PRIM1: variants seen among roughly 807,000 people sequenced by gnomAD.
PRIM1 encodes DNA primase subunit 1, also known as DNA primase small subunit.
A neutral mutation model predicts 60.2 loss-of-function variants in PRIM1; 38 were observed. That is an observed-to-expected ratio of 0.63 (90% CI 0.49 to 0.83). The LOEUF (loss-of-function observed/expected upper bound fraction) is 0.83. Among genes scored for constraint, PRIM1 ranks in the 40% least tolerant of loss-of-function variants. The pLI is 0.00. For missense variants in PRIM1, 388 were observed against 506.2 expected (o/e 0.77, Z 2.24); for synonymous variants, 158 against 160.2 (o/e 0.99, Z 0.10).
At chr12:56,746,659 CACACACACACACACACAA>C (rs1295086275) in intron 4 of PRIM1, 104 bp downstream of exon 4, 256 of 797,306 alleles carry the variant, frequency 3.2e-4, no homozygotes, top group South Asian at 9.5e-4. Flanking sequence ...CACACACACA[CACACACACACACACACAA>C]ATTAATGAGA....
At chr12:56,733,866 C>T (rs1055836442) in intron 12 of PRIM1, among the ~76,000 whole-genome samples, 2 of 152,194 alleles carry the variant, frequency 1.3e-5, no homozygotes, top group African/African-American at 4.8e-5. Context: ...GCTGGGATTA[C>T]AGGCGTGAGC....
At chr12:56,741,608 C>T (rs781750340) in intron 8 of PRIM1, 32 bp from the exon 9 acceptor site, 2 of 1,596,674 alleles carry the variant, frequency 1.3e-6, no homozygotes, top group East Asian at 2.2e-5. Context: ...ACATGAGGAT[C>T]AGTAGGAACT....
intron 1 of PRIM1, 79 bp from the exon 2 acceptor site, chr12:56,751,274 GTTT>G: frequency 1.0e-6 from 1 of 998,858 alleles, no homozygotes. Flanking sequence ...CCAATGAGAA[GTTT>G]TTTTTTTCGG....
In PRIM1 at chr12:56,731,691, A is replaced by T; in HGVS notation, c.*24T>A. The T allele has an allele frequency of 6.6e-7, 1 of 1,506,812 alleles. No homozygotes were observed. The highest frequency in any genetic ancestry group is 9.0e-7 in the Non-Finnish European group (1 of 1,110,254). The allele number at this position is 1,506,812 out of a possible 1,614,324, so 93.3% of individuals were successfully genotyped here. A position where few individuals can be genotyped will look rare whatever the true frequency, so the allele number is the denominator to read the frequency against. ...CTGTGGTTGAAGGCAGAAGATATCC[A>T]CAATGGTTTGAGGAGCTCTGTCTTC... On this transcript the variant is annotated 3_prime_UTR_variant, in exon 13 of 13. Coordinates refer to ENST00000338193, the MANE Select transcript of PRIM1 (RefSeq NM_000946.3).
intron 9 of PRIM1, among the ~76,000 whole-genome samples, chr12:56,739,730 G>A (rs941456766): frequency 6.6e-6 from 1 of 152,010 alleles, no homozygotes; most frequent in African/African-American, 2.4e-5. Flanking sequence ...TTGTTGAGTT[G>A]GGGTCTCACT....
chr12:56,746,981 C>A lies in PRIM1; in HGVS notation c.313G>T (p.Glu105Ter), dbSNP rs1953913097. Reference sequence around the variant, plus strand: ...GTCATGTCAATGTCAAATACCAGTTCTTTTTCCTGAGCCTGGAAAGCTCCC... The same window carrying A: ...GTCATGTCAATGTCAAATACCAGTTATTTTTCCTGAGCCTGGAAAGCTCCC... ...KLGAFQAQEK[E>*]LVFDIDMTDY... Residue 105 changes from glutamate to a stop codon, truncating the protein, a stop_gained, in exon 3 of 13, where the codon GAA becomes TAA. Coordinates refer to ENST00000338193, the MANE Select transcript of PRIM1 (RefSeq NM_000946.3). LOFTEE classifies it high-confidence loss of function. 2 of 1,613,844 alleles carry A rather than the reference C, an allele frequency of 1.2e-6. No homozygotes were observed. The highest frequency in any genetic ancestry group is 1.7e-6 in the Non-Finnish European group (2 of 1,179,840).
At chr12:56,739,124 T>C (rs529219348) in intron 10 of PRIM1, among the ~76,000 whole-genome samples, 170 bp downstream of exon 10, 8 of 152,168 alleles carry the variant, frequency 5.3e-5, no homozygotes, top group Non-Finnish European at 8.8e-5. Flanking sequence ...CAGGTGAAAA[T>C]CTTGTATTGT....
At chr12:56,736,806 A>G (rs1953836445) in intron 11 of PRIM1, among the ~76,000 whole-genome samples, 1 of 151,760 alleles carries the variant, frequency 6.6e-6, no homozygotes, top group Non-Finnish European at 1.5e-5. Context: ...GCCCGGCCAC[A>G]TAATTTTCAT....
intron 4 of PRIM1, among the ~76,000 whole-genome samples, 150 bp downstream of exon 4, chr12:56,746,625 GTCACAC>G: frequency 9.4e-6 from 1 of 105,870 alleles, no homozygotes; most frequent in African/African-American, 3.9e-5. Context: ...AGTGAGACTC[GTCACAC>G]ACACACACAC....
At chr12:56,745,439 C>A (rs946031332) in intron 5 of PRIM1, among the ~76,000 whole-genome samples, 44 of 151,402 alleles carry the variant, frequency 2.9e-4, no homozygotes, top group Non-Finnish European at 4.6e-4. Context: ...ACAAAAAAAA[C>A]CAAAAAAACA....
At position 56,746,169 on chromosome 12, in the gene PRIM1, A is replaced by C. The variant is rs199856398; in HGVS notation, c.455T>G (p.Phe152Cys). The C allele has an allele frequency of 2.3e-4, 367 of 1,611,248 alleles. 1 individual carries two copies. Among genetic ancestry groups the C allele is most frequent in the Admixed American group, 3.2e-4 (19 of 59,356 alleles). ...IDRALKEDFG[F>C]KHRLWVYSGR... ...AGAATATACCCAGAGACGATGCTTA[A>C]ATCCAAAGTCCTCTGAGGAAGAGAG... Residue 152 changes from phenylalanine (F) to cysteine (C), a missense_variant, in exon 5 of 13, where the codon TTT becomes TGT. Phe to Cys is a radical substitution (Grantham distance 205, BLOSUM62 -2). Transcript: ENST00000338193.
In PRIM1 at chr12:56,733,016, G is replaced by A. The variant is rs530712455; in HGVS notation, c.1243+1131C>T. Among the ~76,000 whole-genome samples, 176 of 144,564 alleles carry A rather than the reference G, an allele frequency of 1.2e-3. 3 individuals carry two copies. The highest frequency in any genetic ancestry group is 2.0e-3 in the Admixed American group (28 of 14,278). 94.8% of individuals were successfully genotyped at this position (144,564 alleles called of 152,430 possible). A position where few individuals can be genotyped will look rare whatever the true frequency, so the allele number is the denominator to read the frequency against. On this transcript the variant is annotated intron_variant, in intron 12 of 12. Coordinates refer to ENST00000338193, the MANE Select transcript of PRIM1 (RefSeq NM_000946.3). The stretch of plus-strand genomic sequence containing the variant: ...ATTACAGGCGCACAATACCACGCCC[G>A]GCTAATTTTTGTATTTTTAGTAGAG...
At position 56,746,871 on chromosome 12, in the gene PRIM1, AT is replaced by A; in HGVS notation, c.369-18del. The A allele has an allele frequency of 6.2e-7, 1 of 1,613,690 alleles. No individual in the cohort carries two copies. The highest frequency in any genetic ancestry group is 8.5e-7 in the Non-Finnish European group (1 of 1,179,714). On this transcript the variant is annotated intron_variant, in intron 3 of 12. Transcript: ENST00000338193. ...TCTGCAGAACTAAAGCAGAGTCATC[AT>A]TACTCATTGTCAGTGATACCACCCA...
At chr12:56,752,074 C>CCGTATCATTA in intron 1 of PRIM1, 122 bp downstream of exon 1, 1 of 559,146 alleles carries the variant, frequency 1.8e-6, no homozygotes, top group Non-Finnish European at 3.0e-6. Context: ...CTCGAGAGAG[C>CCGTATCATTA]AAATGAAGGC....
chr12:56,744,025 A>G (rs1953889937), intron 6 of PRIM1, 40 bp downstream of exon 6: 1 of 1,437,474 alleles, frequency 7.0e-7, no homozygotes, highest in Non-Finnish European at 9.6e-7. Flanking sequence ...ATGCCGGTAA[A>G]TCAGACACCT....
intron 11 of PRIM1, among the ~76,000 whole-genome samples, chr12:56,736,692 C>T (rs540648768): frequency 1.5e-4 from 23 of 152,024 alleles, no homozygotes; most frequent in Middle Eastern, 3.4e-3. Context: ...TTAGTAGAGA[C>T]GGGGTTTAAC....
intron 1 of PRIM1, 107 bp downstream of exon 1, chr12:56,752,089 G>A (rs752563777): frequency 3.1e-5 from 21 of 686,286 alleles, no homozygotes; most frequent in East Asian, 1.0e-4. Context: ...GAAGGCGCGC[G>A]GCACAAAGCC....
At chr12:56,747,937 G>A (rs1350038730) in intron 2 of PRIM1, among the ~76,000 whole-genome samples, 4 of 152,084 alleles carry the variant, frequency 2.6e-5, no homozygotes, top group Non-Finnish European at 1.5e-5. Context: ...TTGTTGGAAT[G>A]AGTAAGTGCG....
At position 56,741,789 on chromosome 12, in the gene PRIM1, A is replaced by C; in HGVS notation, c.797T>G (p.Leu266Arg). ...TTTCTTCAAGTGCTCCCAACGCTGAAGTGAATTGTGAGACTTTTGGAAGCT... is the reference window on the plus strand; with the variant it reads ...TTTCTTCAAGTGCTCCCAACGCTGACGTGAATTGTGAGACTTTTGGAAGCT... ...QQSFQKSHNS[L>R]QRWEHLKKVA... The change falls in exon 8 of 13, where the codon CTT becomes CGT. Residue 266 changes from leucine (L) to arginine (R), a missense_variant. Physicochemically the swap from Leu to Arg is moderately radical, Grantham distance 102 (BLOSUM62 -2). This residue lies in a region of PRIM1 where 211 missense variants were observed against 277.9 expected (regional missense o/e 0.76). Transcript: ENST00000338193. The C allele has an allele frequency of 6.2e-7, 1 of 1,614,014 alleles. No individual in the cohort carries two copies. Among genetic ancestry groups the C allele is most frequent in the South Asian group, 1.1e-5 (1 of 91,090 alleles).
Sources: allele counts gnomAD v4.1 joint callset (sites outside exome capture counted in the v4.1 genomes callset), GRCh38; gene constraint gnomAD v4.1.1; regional missense constraint gnomAD v4.1.1; transcripts MANE v1.5; gene names NCBI Gene and HGNC (gene_info 2026-07-23, HGNC 2026-07-21).